SYNE1: variants seen among roughly 807,000 people sequenced by gnomAD.
SYNE1 encodes the protein spectrin repeat containing nuclear envelope protein 1, also known as nesprin-1.
SYNE1 carries 616 observed loss-of-function variants against 1,111.0 expected under a neutral mutation model. The ratio of observed to expected loss-of-function variants is 0.55; its 90% confidence interval spans 0.52 to 0.59. The LOEUF (loss-of-function observed/expected upper bound fraction) is 0.59. Ranked by LOEUF, SYNE1 falls within the 20% of genes least tolerant of loss-of-function variation. The pLI, the probability that SYNE1 is intolerant of heterozygous loss-of-function variation, is 0.00. For synonymous variants in SYNE1, 3,855 were observed against 3,825.8 expected, an observed-to-expected ratio of 1.01 and a Z score of -0.28; for missense variants, 10,006 against 10,417.0, an observed-to-expected ratio of 0.96 and a Z score of 1.72.
chr6:152,281,283 C>T (rs78404593), intron 97 of SYNE1, among the ~76,000 whole-genome samples: 16,773 of 152,170 alleles, frequency 0.11, 1,052 homozygotes, highest in Admixed American at 0.19. Context: ...TGCAATTACT[C>T]CTCACAGTAA....
intron 100 of SYNE1, among the ~76,000 whole-genome samples, chr6:152,262,543 A>C (rs575966858): frequency 6.6e-6 from 1 of 152,348 alleles, no homozygotes; most frequent in Admixed American, 6.5e-5. Flanking sequence ...AGTTACGATT[A>C]TGAGTCCAGA....
chr6:152,208,845 T>G (rs2077005568), intron 124 of SYNE1, among the ~76,000 whole-genome samples: 1 of 152,204 alleles, frequency 6.6e-6, no homozygotes, highest in Admixed American at 6.5e-5. Flanking sequence ...GATGAAAACT[T>G]GTTATCATAG....
At chr6:152,342,890 C>A (rs1196553228) in intron 74 of SYNE1, among the ~76,000 whole-genome samples, 6 of 152,190 alleles carry the variant, frequency 3.9e-5, no homozygotes, top group Admixed American at 3.9e-4. Flanking sequence ...CAATAATTAT[C>A]TATGAAGCAC....
intron 127 of SYNE1, among the ~76,000 whole-genome samples, chr6:152,197,057 C>T (rs111927986): frequency 1.3e-5 from 2 of 152,290 alleles, no homozygotes; most frequent in African/African-American, 4.8e-5. Flanking sequence ...AGCTCCAATG[C>T]AATGCAGACC....
In SYNE1 at chr6:152,281,957, C is replaced by G; in HGVS notation, c.18231G>C (p.Glu6077Asp). ...LLEEKLNDQLEEQRQEQALQR... is the reference protein window; with the variant it reads ...LLEEKLNDQLDEQRQEQALQR... ...GCAGGGCCTGTTCCTGCCTTTGTTC[C>G]TCCAGCTGATCATTCAACTTCTCCT... The change falls in exon 97 of 146, where the codon GAG (glutamate) becomes GAC (aspartate). Residue 6077 changes from glutamate (E) to aspartate (D), a missense_variant. Transcript: ENST00000367255. The G allele has an allele frequency of 6.2e-7, 1 of 1,614,070 alleles. No individual in the cohort carries two copies. The highest frequency in any genetic ancestry group is 8.5e-7 in the Non-Finnish European group (1 of 1,180,038).
At chr6:152,311,974 CGG>C (rs1230302348) in intron 87 of SYNE1, among the ~76,000 whole-genome samples, 1 of 152,030 alleles carries the variant, frequency 6.6e-6, no homozygotes, top group Non-Finnish European at 1.5e-5. Context: ...TTAGCAGAGA[CGG>C]GGTTTCATCG....
chr6:152,410,577 A>G (rs1209883066), intron 42 of SYNE1, among the ~76,000 whole-genome samples: 1 of 152,162 alleles, frequency 6.6e-6, no homozygotes, highest in African/African-American at 2.4e-5. Flanking sequence ...TCTACTAAAA[A>G]TGCAAAAATC....
intron 49 of SYNE1, among the ~76,000 whole-genome samples, chr6:152,397,743 T>C (rs1040448275): frequency 3.9e-5 from 6 of 152,130 alleles, no homozygotes; most frequent in Non-Finnish European, 7.4e-5. Flanking sequence ...TGGCTCATGT[T>C]TGTAACTAGC....
At position 152,122,161 on chromosome 6, in the gene SYNE1, A is replaced by G; in HGVS notation, c.*275T>C. 1 of 469,166 alleles carries G rather than the reference A, an allele frequency of 2.1e-6. No individual in the cohort carries two copies. Among genetic ancestry groups the G allele is most frequent in the Non-Finnish European group, 3.9e-6 (1 of 256,366 alleles). The allele number at this position is 469,166 out of a possible 1,614,324, so 29.1% of individuals were successfully genotyped here. ...GGCCCAGAATTCATGAGTCCGGGGA[A>G]CTTTGGAGGTCCTTACTCAATCTCC... On this transcript the variant is annotated 3_prime_UTR_variant, in exon 146 of 146. Transcript: ENST00000367255.
chr6:152,168,161 T>C, intron 130 of SYNE1: 1 of 775,762 alleles, frequency 1.3e-6, no homozygotes, highest in African/African-American at 1.7e-5. Context: ...CACACAGCTG[T>C]CCTCTGCCAT....
intron 39 of SYNE1, 60 bp from the exon 40 acceptor site, chr6:152,419,782 T>C: frequency 6.3e-7 from 1 of 1,589,336 alleles, no homozygotes; most frequent in South Asian, 1.1e-5. Flanking sequence ...GGATTAATGA[T>C]GTATTTTGGG....
chr6:152,360,048 C>T (rs915057687), intron 64 of SYNE1, among the ~76,000 whole-genome samples: 1 of 152,216 alleles, frequency 6.6e-6, no homozygotes, highest in Non-Finnish European at 1.5e-5. Context: ...AGGCAGATTC[C>T]TGGCCACCAA....
chr6:152,539,514 C>G (rs1483981446), intron 4 of SYNE1, among the ~76,000 whole-genome samples: 1 of 152,066 alleles, frequency 6.6e-6, no homozygotes, highest in Admixed American at 6.5e-5. Context: ...ACCATGGTTA[C>G]TTTTTTAAAT....
At chr6:152,480,615 A>T (rs1193901096) in intron 14 of SYNE1, 1 of 336,718 alleles carries the variant, frequency 3.0e-6, no homozygotes. Context: ...ATTGATTTTA[A>T]AATTGACAAT....
intron 135 of SYNE1, among the ~76,000 whole-genome samples, chr6:152,149,908 C>A (rs972985785): frequency 6.6e-6 from 1 of 152,108 alleles, no homozygotes; most frequent in African/African-American, 2.4e-5. Flanking sequence ...GCGCTTTTGG[C>A]TAATAAAATT....
At chr6:152,495,956 T>A (rs560267602) in intron 11 of SYNE1, among the ~76,000 whole-genome samples, 1 of 152,324 alleles carries the variant, frequency 6.6e-6, no homozygotes, top group African/African-American at 2.4e-5. Context: ...GCACAGAAAC[T>A]TCATATATAA....
chr6:152,309,783 A>T (rs777832614), intron 90 of SYNE1, 52 bp downstream of exon 90: 34 of 1,605,966 alleles, frequency 2.1e-5, no homozygotes, highest in Non-Finnish European at 5.1e-6. Flanking sequence ...TAAGAAAAGA[A>T]GCCCATGATT....
At chr6:152,411,396 T>C (rs1200510969) in intron 42 of SYNE1, among the ~76,000 whole-genome samples, 3 of 152,204 alleles carry the variant, frequency 2.0e-5, no homozygotes, top group Non-Finnish European at 1.5e-5. Context: ...GTCCTCCAAT[T>C]CTTTTTGAAA....
intron 29 of SYNE1, among the ~76,000 whole-genome samples, chr6:152,445,275 G>T (rs994658110): frequency 6.6e-6 from 1 of 151,948 alleles, no homozygotes; most frequent in African/African-American, 2.4e-5. Context: ...TTGAAAAAGA[G>T]AATAAAAGAG....
Sources: gnomAD v4.1 joint callset for allele counts (sites outside exome capture counted in the v4.1 genomes callset) on GRCh38, gnomAD v4.1.1 for gene constraint, MANE v1.5 for transcripts, NCBI Gene and HGNC (gene_info 2026-07-23, HGNC 2026-07-21) for gene names.